ZNF385B: variants seen among roughly 807,000 people sequenced by gnomAD.
The protein encoded by ZNF385B is zinc finger protein 533.
A neutral mutation model predicts 39.2 loss-of-function variants in ZNF385B; 23 were observed. The observed-to-expected ratio is 0.59, with a 90% CI of 0.42 to 0.83. The LOEUF is 0.83. Ranked by LOEUF, ZNF385B falls within the 40% of genes least tolerant of loss-of-function variation. ZNF385B has a pLI of 0.00. For synonymous variants in ZNF385B, 205 were observed against 222.6 expected, an observed-to-expected ratio of 0.92 and a Z score of 0.70; for missense variants, 552 against 598.9, an observed-to-expected ratio of 0.92 and a Z score of 0.82.
At chr2:179,643,147 T>C (rs1692416805) in intron 3 of ZNF385B, among the ~76,000 whole-genome samples, 2 of 151,102 alleles carry the variant, frequency 1.3e-5, no homozygotes, top group Non-Finnish European at 2.9e-5. Flanking sequence ...TTTTGGTCAA[T>C]TACAACATTC....
At chr2:179,759,629 CTCATCTT>C (rs1481820258) in intron 3 of ZNF385B, among the ~76,000 whole-genome samples, 3 of 152,108 alleles carry the variant, frequency 2.0e-5, no homozygotes, top group Non-Finnish European at 4.4e-5. Flanking sequence ...TAATTTGAAA[CTCATCTT>C]TGAGTACTCA....
intron 3 of ZNF385B, among the ~76,000 whole-genome samples, chr2:179,690,482 G>T (rs1251735941): frequency 6.6e-6 from 1 of 152,106 alleles, no homozygotes; most frequent in African/African-American, 2.4e-5. Context: ...ATTTTGATCT[G>T]CATTTGGTTG....
At chr2:179,789,769 T>G (rs1428036350) in intron 1 of ZNF385B, among the ~76,000 whole-genome samples, 2 of 152,126 alleles carry the variant, frequency 1.3e-5, no homozygotes, top group East Asian at 3.8e-4. Context: ...CTAAACTATT[T>G]GTAGCATGTT....
chr2:179,519,083 T>G (rs2058301198), intron 4 of ZNF385B, among the ~76,000 whole-genome samples: 1 of 152,190 alleles, frequency 6.6e-6, no homozygotes, highest in Non-Finnish European at 1.5e-5. Context: ...TGAGCTCAAG[T>G]GATCCTCTTG....
Position 179,444,933 on chromosome 2 carries a change from T to A in ZNF385B, c.1185A>T (p.Pro395=), listed in dbSNP as rs1430746803. 1.9e-6 allele frequency: 3 copies of A among 1,614,074 alleles called. No individual in the cohort carries two copies. In the African/African-American group the frequency reaches 4.0e-5, roughly 22 times the overall value. The change falls in exon 9 of 10, where the codon CCA becomes CCT. Residue 395 remains proline, a synonymous_variant. Transcript: ENST00000410066. The part of the protein sequence containing the change: ...RRHKDRVAGK[P]LKPKYSPYNK... ...TGTAAGGGCTGTATTTTGGCTTCAG[T>A]GGTTTCCCTGCAACTCGATCTTTAT...
chr2:179,650,987 T>C (rs1693145272), intron 3 of ZNF385B, among the ~76,000 whole-genome samples: 1 of 152,100 alleles, frequency 6.6e-6, no homozygotes, highest in African/African-American at 2.4e-5. Context: ...TGGCAAACAT[T>C]TGGAAACAAT....
intron 1 of ZNF385B, among the ~76,000 whole-genome samples, chr2:179,841,654 T>A (rs1156996458): frequency 3.3e-5 from 5 of 152,116 alleles, no homozygotes; most frequent in Admixed American, 3.3e-4. Context: ...ATACTCCCCA[T>A]CCCCAGTTGT....
At chr2:179,798,557 G>A (rs1246208942) in intron 1 of ZNF385B, among the ~76,000 whole-genome samples, 1 of 152,010 alleles carries the variant, frequency 6.6e-6, no homozygotes, top group Non-Finnish European at 1.5e-5. Flanking sequence ...CAAAATTCCA[G>A]TATGCAAGGA....
At chr2:179,668,561 G>C (rs569810031) in intron 3 of ZNF385B, among the ~76,000 whole-genome samples, 1 of 150,188 alleles carries the variant, frequency 6.7e-6, no homozygotes, top group African/African-American at 2.4e-5. Context: ...ATAAAGATTT[G>C]GTTAAAGTGT....
In ZNF385B at chr2:179,851,466, A is replaced by G. The variant is rs1016143981; in HGVS notation, c.-155+9635T>C. Among the ~76,000 whole-genome samples the G allele has an allele frequency of 3.3e-5, 5 of 152,158 alleles. 1 individual carries two copies. Among genetic ancestry groups the G allele is most frequent in the Middle Eastern group, 6.3e-3 (2 of 316 alleles). ...CCCTGTCTCTTAAAAAATAAAAAGA[A>G]AAGAAAGCTGACATCTATGAGGGCT... On this transcript the variant is annotated intron_variant, in intron 1 of 9. Transcript: ENST00000410066.
chr2:179,552,620 A>G (rs1411742866), intron 3 of ZNF385B, among the ~76,000 whole-genome samples: 2 of 148,718 alleles, frequency 1.3e-5, no homozygotes, highest in South Asian at 2.2e-4. Context: ...TTTTTCTCTC[A>G]TCAGGATAAT....
At chr2:179,756,042 A>G (rs1453810624) in intron 3 of ZNF385B, among the ~76,000 whole-genome samples, 1 of 152,060 alleles carries the variant, frequency 6.6e-6, no homozygotes, top group African/African-American at 2.4e-5. Context: ...GGTCTTTACA[A>G]TTTGGCATGT....
chr2:179,623,440 C>T (rs1443252905), intron 3 of ZNF385B, among the ~76,000 whole-genome samples: 6 of 152,134 alleles, frequency 3.9e-5, no homozygotes, highest in Admixed American at 3.9e-4. Flanking sequence ...GAGTACATGA[C>T]TTAGACTCAG....
At chr2:179,629,820 C>T (rs887268250) in intron 3 of ZNF385B, among the ~76,000 whole-genome samples, 17 of 152,360 alleles carry the variant, frequency 1.1e-4, no homozygotes, top group Admixed American at 5.9e-4. Context: ...CCAAATACTG[C>T]GCTTTTCCCA....
chr2:179,778,863 A>C (rs1474218180), intron 1 of ZNF385B, among the ~76,000 whole-genome samples: 1 of 152,222 alleles, frequency 6.6e-6, no homozygotes, highest in Non-Finnish European at 1.5e-5. Context: ...CAACAACAAA[A>C]AAAGGTGAAC....
rs1050757723 is a variant in ZNF385B, at chr2:179,663,654, G to A, written c.298+105849C>T. 2.1e-5 allele frequency among the ~76,000 whole-genome samples: 3 copies of A among 142,954 alleles called. No individual in the cohort carries two copies. The East Asian group carries it at 6.1e-4, about 29-fold the overall frequency. The allele number at this position is 142,954 out of a possible 152,430, so 93.8% of individuals were successfully genotyped here. Reference sequence around the variant, plus strand: ...GAACTCGGGAGGCGGAGCTTGCAGTGAGCCGAGATCGCGCCGCTGCATTCC... The same window carrying A: ...GAACTCGGGAGGCGGAGCTTGCAGTAAGCCGAGATCGCGCCGCTGCATTCC... On this transcript the variant is annotated intron_variant, in intron 3 of 9. Transcript: ENST00000410066.
At chr2:179,735,668 G>A (rs899291686) in intron 3 of ZNF385B, among the ~76,000 whole-genome samples, 1 of 150,150 alleles carries the variant, frequency 6.7e-6, no homozygotes, top group Non-Finnish European at 1.5e-5. Context: ...TTAAGAAAAT[G>A]TGGCACATAT....
chr2:179,848,078 G>A (rs1158238216), intron 1 of ZNF385B, among the ~76,000 whole-genome samples: 1 of 152,158 alleles, frequency 6.6e-6, no homozygotes, highest in Non-Finnish European at 1.5e-5. Flanking sequence ...AAAGGAGCCA[G>A]CCTGGATGTA....
At chr2:179,654,464 G>C (rs1182736373) in intron 3 of ZNF385B, among the ~76,000 whole-genome samples, 1 of 152,080 alleles carries the variant, frequency 6.6e-6, no homozygotes, top group African/African-American at 2.4e-5. Flanking sequence ...TAGGAACAGA[G>C]GGAAGCAGAA....
Sources: allele counts gnomAD v4.1 joint callset (sites outside exome capture counted in the v4.1 genomes callset), GRCh38; gene constraint gnomAD v4.1.1; transcripts MANE v1.5; gene names NCBI Gene and HGNC (gene_info 2026-07-23, HGNC 2026-07-21).